SP140L: variants seen among roughly 807,000 people sequenced by gnomAD.
The protein encoded by SP140L is nuclear body protein SP140-like protein.
SP140L carries 64 observed loss-of-function variants against 84.3 expected under a neutral mutation model. The ratio of observed to expected loss-of-function variants is 0.76; its 90% CI spans 0.62 to 0.94. The LOEUF (loss-of-function observed/expected upper bound fraction) is 0.94, where lower values mean the gene tolerates loss of function less well. SP140L is among the 40% of genes least tolerant of loss of function. SP140L has a pLI of 0.00. For synonymous variants in SP140L, 242 were observed against 236.9 expected (o/e 1.02, Z -0.20); for missense variants, 628 against 692.5 (o/e 0.91, Z 1.05).
chr2:230,377,772 G>T (rs982486695), intron 7 of SP140L, among the ~76,000 whole-genome samples: 1 of 152,160 alleles, frequency 6.6e-6, no homozygotes, highest in Admixed American at 6.5e-5. Context: ...AATGTGTGAA[G>T]CTTCTCATTG....
chr2:230,383,474 C>T (rs1321119446), intron 7 of SP140L, 36 bp from the exon 8 acceptor site: 3 of 1,547,294 alleles, frequency 1.9e-6, no homozygotes, highest in Non-Finnish European at 2.6e-6. Context: ...ATATTTATTC[C>T]TCTGTATAAT....
intron 7 of SP140L, among the ~76,000 whole-genome samples, chr2:230,377,996 A>G (rs890437517): frequency 1.3e-5 from 2 of 152,132 alleles, no homozygotes; most frequent in African/African-American, 4.8e-5. Context: ...ATATAGTTTG[A>G]GCTAAAGATT....
At position 230,388,625 on chromosome 2, in the gene SP140L, G is replaced by T. The variant is rs759252364; in HGVS notation, c.851G>T (p.Arg284Leu). The change falls in exon 10 of 19, where the codon CGA (arginine) becomes CTA (leucine). Residue 284 changes from arginine to leucine, a missense_variant. Physicochemically the swap from Arg to Leu is moderately radical, Grantham distance 102. Coordinates refer to ENST00000415673, the MANE Select transcript of SP140L (RefSeq NM_138402.6). ...QSDRAPQKRV[R>L]SRASRKHKDE... ...GACAGAGCTCCACAGAAAAGAGTCC[G>T]ATCAAGAGGTAAAAAAGAAAAGAGG... 1 of 1,606,640 alleles carries T rather than the reference G, an allele frequency of 6.2e-7. No individual in the cohort carries two copies. The highest frequency in any genetic ancestry group is 2.2e-5 in the East Asian group (1 of 44,742).
intron 9 of SP140L, 57 bp from the exon 10 acceptor site, chr2:230,388,502 A>G: frequency 7.1e-7 from 1 of 1,416,476 alleles, no homozygotes. Context: ...AAAAGCAGCA[A>G]TATATGTAAC....
chr2:230,331,747 C>T lies in SP140L; in HGVS notation c.107+2916C>T, dbSNP rs2059730618. On this transcript the variant is annotated intron_variant, in intron 2 of 18. Transcript: ENST00000415673. ...TAAACAGGAACTCGTTTTCCTTTTA[C>T]ATTTTCTAGTTATTTCTTTCTGGCA... Among the ~76,000 whole-genome samples, 3 of 152,088 alleles carry T rather than the reference C, an allele frequency of 2.0e-5. No homozygotes were observed. The South Asian group carries it at 6.2e-4, about 32-fold the overall frequency.
At chr2:230,333,347 A>G (rs970071778) in intron 2 of SP140L, among the ~76,000 whole-genome samples, 6 of 152,162 alleles carry the variant, frequency 3.9e-5, no homozygotes, top group Admixed American at 1.3e-4. Flanking sequence ...TTTAGTAGAG[A>G]CAGGGTTTCA....
At chr2:230,333,572 G>C (rs571326706) in intron 2 of SP140L, among the ~76,000 whole-genome samples, 1 of 152,090 alleles carries the variant, frequency 6.6e-6, no homozygotes, top group African/African-American at 2.4e-5. Flanking sequence ...TTGCCTTGGC[G>C]TGAGTGTTGT....
intron 12 of SP140L, among the ~76,000 whole-genome samples, 178 bp from the exon 13 acceptor site, chr2:230,393,236 A>G (rs2061900399): frequency 6.6e-6 from 1 of 152,160 alleles, no homozygotes; most frequent in African/African-American, 2.4e-5. Context: ...TCTGGCTTCT[A>G]TTGATTGGAG....
At chr2:230,340,067 A>T (rs1477737863) in intron 2 of SP140L, among the ~76,000 whole-genome samples, 1 of 145,966 alleles carries the variant, frequency 6.9e-6, no homozygotes. Flanking sequence ...TGTCTCGTTG[A>T]TCTGTCTAAT....
intron 2 of SP140L, among the ~76,000 whole-genome samples, chr2:230,350,596 G>T (rs2060334886): frequency 6.6e-6 from 1 of 152,166 alleles, no homozygotes; most frequent in African/African-American, 2.4e-5. Context: ...AGATGCCACT[G>T]CCCTTATGGC....
intron 5 of SP140L, among the ~76,000 whole-genome samples, chr2:230,365,171 A>G (rs11886681): frequency 0.025 from 3,860 of 152,138 alleles, 190 homozygotes; most frequent in African/African-American, 0.088. Context: ...GGCTTCATAG[A>G]CTAAGCCTAC....
intron 2 of SP140L, among the ~76,000 whole-genome samples, chr2:230,339,104 C>T (rs1238539986): frequency 2.0e-5 from 3 of 146,836 alleles, no homozygotes; most frequent in Non-Finnish European, 4.5e-5. Flanking sequence ...TGGTAGAATT[C>T]GGCTGTGAAT....
In SP140L at chr2:230,388,752, T is replaced by C. The variant is rs921443866; in HGVS notation, c.859+119T>C. The C allele has an allele frequency of 1.2e-5, 10 of 802,230 alleles. No individual in the cohort carries two copies. The Admixed American group carries it at 1.5e-4, about 12-fold the overall frequency. The allele number at this position is 802,230 out of a possible 1,614,324, so 49.7% of individuals were successfully genotyped here. On this transcript the variant is annotated intron_variant, in intron 10 of 18. Transcript: ENST00000415673. ...TTGTTTTATGAAGCTATACTAACTA[T>C]TGAAAAACATATCTTATTAAGTCAT...
At position 230,358,927 on chromosome 2, in the gene SP140L, T is replaced by G. The variant is rs775682406; in HGVS notation, c.271-37T>G. On this transcript the variant is annotated intron_variant, in intron 3 of 18. Coordinates refer to ENST00000415673, the MANE Select transcript of SP140L (RefSeq NM_138402.6). ...TTATGGCTCTTCTGTAACTTGAAAGTCTGTATTTGTATTTTCTCCATTCAA... is the reference window on the plus strand; with the variant it reads ...TTATGGCTCTTCTGTAACTTGAAAGGCTGTATTTGTATTTTCTCCATTCAA... 2.7e-6 allele frequency: 4 copies of G among 1,504,944 alleles called. No individual in the cohort carries two copies. The East Asian group carries it at 7.1e-5, about 27-fold the overall frequency. 93.2% of individuals were successfully genotyped at this position (1,504,944 alleles called of 1,614,324 possible).
intron 2 of SP140L, among the ~76,000 whole-genome samples, chr2:230,345,919 A>G (rs2149704576): frequency 6.6e-6 from 1 of 152,308 alleles, no homozygotes; most frequent in South Asian, 2.1e-4. Context: ...CACAATCATT[A>G]CAATATAAGA....
Position 230,359,145 on chromosome 2 carries a change from A to G in SP140L, c.439+13A>G. ...AGCTTCAAAAATGGTAATTAGGTTT[A>G]TTATCTACCTTTTGATTTCCGGGGC... On this transcript the variant is annotated intron_variant, in intron 4 of 18. Coordinates refer to ENST00000415673, the MANE Select transcript of SP140L (RefSeq NM_138402.6). 1 of 1,601,644 alleles carries G rather than the reference A, an allele frequency of 6.2e-7. No individual in the cohort carries two copies. Among genetic ancestry groups the G allele is most frequent in the Non-Finnish European group, 8.5e-7 (1 of 1,176,744 alleles).
At chr2:230,393,903 C>T (rs2061935906) in intron 13 of SP140L, among the ~76,000 whole-genome samples, 1 of 152,206 alleles carries the variant, frequency 6.6e-6, no homozygotes, top group Non-Finnish European at 1.5e-5. Context: ...CGTCTCCTCA[C>T]AGTCACTTGA....
At chr2:230,398,729 A>G (rs918860455) in intron 14 of SP140L, among the ~76,000 whole-genome samples, 5 of 152,234 alleles carry the variant, frequency 3.3e-5, no homozygotes, top group Admixed American at 2.0e-4. Flanking sequence ...GGCAAAATAT[A>G]AAAGTAGAAG....
chr2:230,402,768 A>T, intron 18 of SP140L, 30 bp from the exon 19 acceptor site: 1 of 1,546,540 alleles, frequency 6.5e-7, no homozygotes, highest in Non-Finnish European at 8.9e-7. Flanking sequence ...GATAAGGAAC[A>T]TCGTTTTTGT....
Sources: allele counts gnomAD v4.1 joint callset (sites outside exome capture counted in the v4.1 genomes callset), GRCh38; gene constraint gnomAD v4.1.1; transcripts MANE v1.5; gene names NCBI Gene and HGNC (gene_info 2026-07-23, HGNC 2026-07-21).